CCSER1: variants seen among roughly 807,000 people sequenced by gnomAD.
CCSER1 encodes coiled-coil serine rich protein 1.
In CCSER1, 41 loss-of-function variants were observed where a neutral mutation model predicts 82.0. That is an observed-to-expected ratio of 0.50 (90% CI 0.39 to 0.65). CCSER1 has a LOEUF of 0.65. CCSER1 is among the 30% of genes least tolerant of loss of function. The probability of loss-of-function intolerance (pLI) is 0.00; values close to 1 mark genes in which losing one functional copy is unlikely to be tolerated. For missense variants in CCSER1, 1,119 were observed against 1,064.2 expected, an observed-to-expected ratio of 1.05 and a Z score of -0.72; for synonymous variants, 414 against 383.9, an observed-to-expected ratio of 1.08 and a Z score of -0.92.
intron 10 of CCSER1, among the ~76,000 whole-genome samples, chr4:91,177,895 G>A (rs1455388336): frequency 1.3e-5 from 2 of 152,122 alleles, no homozygotes; most frequent in Non-Finnish European, 2.9e-5. Context: ...TTCTTTAATT[G>A]TGATGTTAGG....
intron 5 of CCSER1, among the ~76,000 whole-genome samples, chr4:90,570,258 ACT>A (rs1779940467): frequency 6.6e-6 from 1 of 151,866 alleles, no homozygotes; most frequent in Non-Finnish European, 1.5e-5. Flanking sequence ...GTCTGGAATG[ACT>A]CTGCGATCTA....
intron 6 of CCSER1, among the ~76,000 whole-genome samples, chr4:90,712,459 G>T (rs1740808417): frequency 1.3e-5 from 2 of 151,948 alleles, no homozygotes; most frequent in South Asian, 2.1e-4. Flanking sequence ...AGTTTTGAGT[G>T]AATTTCTTAG....
Position 90,308,654 on chromosome 4 carries a change from A to C in CCSER1, c.370A>C (p.Asn124His), listed in dbSNP as rs769381632. Residue 124 changes from asparagine to histidine, a missense_variant, in exon 2 of 11, where the codon AAT becomes CAT. By Grantham distance (68) the Asn-to-His change is moderately conservative (BLOSUM62 1). Transcript: ENST00000509176. The part of the protein sequence containing the change: ...RHSVGFSSSR[N>H]KKITRSLTED... ...TTCTGTTGGTTTTAGTAGTTCACGA[A>C]ATAAGAAGATAACAAGATCTTTGAC... 1.2e-6 allele frequency: 2 copies of C among 1,613,620 alleles called. No homozygotes were observed. The highest frequency in any genetic ancestry group is 1.7e-6 in the Non-Finnish European group (2 of 1,179,834).
intron 10 of CCSER1, among the ~76,000 whole-genome samples, chr4:91,098,446 C>G (rs569265620): frequency 7.2e-5 from 11 of 152,220 alleles, no homozygotes; most frequent in African/African-American, 2.6e-4. Context: ...CCATTTATAA[C>G]TTAATTAGAA....
chr4:91,354,192 G>A (rs1396695266), intron 10 of CCSER1, among the ~76,000 whole-genome samples: 1 of 152,170 alleles, frequency 6.6e-6, no homozygotes, highest in African/African-American at 2.4e-5. Flanking sequence ...ATCCTCCTGA[G>A]CCATCTTGTG....
intron 3 of CCSER1, among the ~76,000 whole-genome samples, chr4:90,380,960 C>T (rs6847189): frequency 0.1 from 15,838 of 152,240 alleles, 1,450 homozygotes; most frequent in East Asian, 0.32. Flanking sequence ...AAGCAGGAAA[C>T]GATGCGGGAG....
At chr4:90,420,659 C>CA (rs1756546695) in intron 4 of CCSER1, among the ~76,000 whole-genome samples, 1 of 152,038 alleles carries the variant, frequency 6.6e-6, no homozygotes, top group African/African-American at 2.4e-5. Context: ...TTTCTAAATC[C>CA]AATCAACAGT....
At chr4:90,704,606 T>C (rs2149293955) in intron 6 of CCSER1, among the ~76,000 whole-genome samples, 1 of 152,342 alleles carries the variant, frequency 6.6e-6, no homozygotes, top group African/African-American at 2.4e-5. Flanking sequence ...CACTTTCAGG[T>C]ATACCAATCA....
At chr4:91,419,093 G>A (rs761419735) in intron 10 of CCSER1, among the ~76,000 whole-genome samples, 1 of 151,812 alleles carries the variant, frequency 6.6e-6, no homozygotes, top group Non-Finnish European at 1.5e-5. Flanking sequence ...TCAGCATAAT[G>A]AGTGGTCATA....
intron 10 of CCSER1, among the ~76,000 whole-genome samples, chr4:91,410,761 A>G (rs1367153519): frequency 1.3e-5 from 2 of 152,174 alleles, no homozygotes; most frequent in African/African-American, 4.8e-5. Context: ...TTTTGATTCA[A>G]TGAAATGTCA....
chr4:91,305,451 T>C (rs1744982112), intron 10 of CCSER1, among the ~76,000 whole-genome samples: 1 of 152,010 alleles, frequency 6.6e-6, no homozygotes. Context: ...TGGAATTAAT[T>C]GTAAAGCATG....
intron 10 of CCSER1, among the ~76,000 whole-genome samples, chr4:91,399,129 C>T (rs1004089960): frequency 6.6e-6 from 1 of 151,736 alleles, no homozygotes; most frequent in African/African-American, 2.4e-5. Context: ...AGACCATGAA[C>T]AATAAGAGCA....
chr4:90,775,684 T>G (rs929388489), intron 7 of CCSER1, among the ~76,000 whole-genome samples: 1 of 152,214 alleles, frequency 6.6e-6, no homozygotes, highest in Non-Finnish European at 1.5e-5. Context: ...GGAAGGTACA[T>G]TTTTCACTTA....
chr4:90,716,211 G>C (rs186051048), intron 6 of CCSER1, among the ~76,000 whole-genome samples: 4 of 151,940 alleles, frequency 2.6e-5, no homozygotes, highest in African/African-American at 9.6e-5. Context: ...AGTGGTAAAA[G>C]AAAGACATTA....
intron 7 of CCSER1, among the ~76,000 whole-genome samples, chr4:90,750,398 G>T (rs942417072): frequency 2.6e-5 from 4 of 152,070 alleles, no homozygotes; most frequent in African/African-American, 9.7e-5. Context: ...TAACCCTCTA[G>T]TTGCCAGCCC....
intron 3 of CCSER1, among the ~76,000 whole-genome samples, chr4:90,376,643 C>A (rs560266619): frequency 6.6e-6 from 1 of 152,092 alleles, no homozygotes; most frequent in Admixed American, 6.6e-5. Context: ...TGCTCACAGT[C>A]CTGTGTAACT....
intron 10 of CCSER1, among the ~76,000 whole-genome samples, chr4:91,487,583 T>G (rs1445797007): frequency 6.6e-6 from 1 of 152,150 alleles, no homozygotes; most frequent in African/African-American, 2.4e-5. Context: ...TTTATTTAGA[T>G]TATTATGTTT....
chr4:91,178,304 A>G (rs1733623654), intron 10 of CCSER1, among the ~76,000 whole-genome samples: 1 of 152,016 alleles, frequency 6.6e-6, no homozygotes, highest in African/African-American at 2.4e-5. Flanking sequence ...TGGGGTGGAG[A>G]GTTCTGTAGA....
intron 1 of CCSER1, among the ~76,000 whole-genome samples, chr4:90,165,310 G>T (rs1241339197): frequency 6.6e-6 from 1 of 152,016 alleles, no homozygotes; most frequent in African/African-American, 2.4e-5. Flanking sequence ...GAAAACAATT[G>T]ATTCATGTTC....
Sources: allele counts gnomAD v4.1 joint callset (sites outside exome capture counted in the v4.1 genomes callset), GRCh38; gene constraint gnomAD v4.1.1; transcripts MANE v1.5; gene names NCBI Gene and HGNC (gene_info 2026-07-23, HGNC 2026-07-21).